The following PPFIBP1 variants were observed in gnomAD, a reference collection of about 807,000 sequenced individuals.
PPFIBP1 encodes PPFIB scaffold protein 1.
Under a neutral mutation model 137.8 loss-of-function variants are expected in PPFIBP1, and 112 were observed. The ratio of observed to expected loss-of-function variants is 0.81; its 90% CI spans 0.70 to 0.95. The LOEUF (loss-of-function observed/expected upper bound fraction) is 0.95. PPFIBP1 is among the 40% of genes least tolerant of loss of function. PPFIBP1 has a pLI of 0.00. For synonymous variants in PPFIBP1, 378 were observed against 417.3 expected (o/e 0.91, Z 1.15); for missense variants, 1,083 against 1,196.6 (o/e 0.91, Z 1.40).
chr12:27,617,518 G>C (rs2055890752), intron 2 of PPFIBP1, among the ~76,000 whole-genome samples: 1 of 152,150 alleles, frequency 6.6e-6, no homozygotes, highest in African/African-American at 2.4e-5. Flanking sequence ...ATGGAGGATT[G>C]GTTCTAGGAT....
At chr12:27,627,802 T>G (rs902920805) in intron 2 of PPFIBP1, among the ~76,000 whole-genome samples, 2 of 149,784 alleles carry the variant, frequency 1.3e-5, no homozygotes, top group African/African-American at 4.9e-5. Flanking sequence ...CTGAACATAT[T>G]TCTGTTGGTT....
At chr12:27,618,717 C>A (rs1415431626) in intron 2 of PPFIBP1, among the ~76,000 whole-genome samples, 3 of 152,204 alleles carry the variant, frequency 2.0e-5, no homozygotes, top group Non-Finnish European at 4.4e-5. Context: ...AGCCTGACCA[C>A]CTTGGGCACA....
intron 2 of PPFIBP1, among the ~76,000 whole-genome samples, chr12:27,595,888 T>C (rs1316900922): frequency 0.39 from 33,527 of 86,782 alleles, 4,800 homozygotes; most frequent in East Asian, 0.6. Context: ...AACAACAAAA[T>C]ATATATATAT....
At chr12:27,545,315 A>G (rs535788358) in intron 1 of PPFIBP1, among the ~76,000 whole-genome samples, 2 of 152,328 alleles carry the variant, frequency 1.3e-5, no homozygotes, top group East Asian at 1.9e-4. Context: ...GCAAATCACC[A>G]TGGCACATGT....
intron 4 of PPFIBP1, among the ~76,000 whole-genome samples, chr12:27,644,115 T>C (rs1325056622): frequency 1.3e-5 from 2 of 152,086 alleles, no homozygotes; most frequent in Non-Finnish European, 2.9e-5. Flanking sequence ...CTTGCTTTGT[T>C]GCCCAGCCTG....
intron 5 of PPFIBP1, 113 bp from the exon 6 acceptor site, chr12:27,647,616 A>G (rs1317822662): frequency 3.1e-6 from 2 of 642,254 alleles, no homozygotes; most frequent in Non-Finnish European, 5.2e-6. Flanking sequence ...TTTTTTCTTT[A>G]TAACCGTATG....
In PPFIBP1 at chr12:27,688,556, C is replaced by G. The variant is rs1024485559; in HGVS notation, c.2496+133C>G. 38 of 1,107,542 alleles carry G rather than the reference C, an allele frequency of 3.4e-5. 1 individual carries two copies. The highest frequency in any genetic ancestry group is 3.9e-5 in the Non-Finnish European group (30 of 777,482). The allele number at this position is 1,107,542 out of a possible 1,614,324, so 68.6% of individuals were successfully genotyped here. A position where few individuals can be genotyped will look rare whatever the true frequency, so the allele number is the denominator to read the frequency against. On this transcript the variant is annotated intron_variant, in intron 26 of 29. Coordinates refer to ENST00000228425, the MANE Select transcript of PPFIBP1 (RefSeq NM_003622.4). The stretch of plus-strand genomic sequence containing the variant: ...CCCTCCTGCCCTATTTCTAGTAAAC[C>G]TTTACTTTCAGAGTATTTGTATTGA...
At chr12:27,685,413 A>G (rs1363493526) in intron 24 of PPFIBP1, among the ~76,000 whole-genome samples, 1 of 152,116 alleles carries the variant, frequency 6.6e-6, no homozygotes, top group East Asian at 1.9e-4. Flanking sequence ...AGTTAGCAAT[A>G]GAAAGTCATA....
chr12:27,687,656 T>G lies in PPFIBP1; in HGVS notation c.2370+149T>G. On this transcript the variant is annotated intron_variant, in intron 25 of 29. Coordinates refer to ENST00000228425, the MANE Select transcript of PPFIBP1 (RefSeq NM_003622.4). ...ACTTCTTAGGCTTTTTCTGTATTCC[T>G]TCCTTTTCTCTCCATGACGGTTCCC... is the stretch of plus-strand genomic sequence containing the variant. 5.4e-6 allele frequency: 5 copies of G among 922,724 alleles called. No homozygotes were observed. In the South Asian group the frequency reaches 9.9e-5, roughly 18 times the overall value. The allele number at this position is 922,724 out of a possible 1,614,324, so 57.2% of individuals were successfully genotyped here.
intron 11 of PPFIBP1, among the ~76,000 whole-genome samples, chr12:27,661,829 C>A (rs1245019221): frequency 6.6e-6 from 1 of 152,152 alleles, no homozygotes; most frequent in Non-Finnish European, 1.5e-5. Flanking sequence ...GCCTCGCATT[C>A]TCTTTATTTG....
In PPFIBP1 at chr12:27,689,112, A is replaced by G. The variant is rs908331240; in HGVS notation, c.2594A>G (p.Asn865Ser). The G allele has an allele frequency of 6.2e-7, 1 of 1,610,398 alleles. No homozygotes were observed. The highest frequency in any genetic ancestry group is 8.5e-7 in the Non-Finnish European group (1 of 1,179,114). Residue 865 changes from asparagine to serine, a missense_variant, in exon 27 of 30, where the codon AAC becomes AGC. Coordinates refer to ENST00000228425, the MANE Select transcript of PPFIBP1 (RefSeq NM_003622.4). Reference sequence around the variant, plus strand: ...CGAAGACATTTGGCCACTCATTTCAACCTTCTGATTGGGGCTGAGGCACAG... The same window carrying G: ...CGAAGACATTTGGCCACTCATTTCAGCCTTCTGATTGGGGCTGAGGCACAG... ...LLRRHLATHFNLLIGAEAQHQ... is the reference protein window; with the variant it reads ...LLRRHLATHFSLLIGAEAQHQ...
At chr12:27,658,138 GAAAAA>G (rs56797899) in intron 9 of PPFIBP1, among the ~76,000 whole-genome samples, 3 of 123,008 alleles carry the variant, frequency 2.4e-5, no homozygotes, top group Non-Finnish European at 1.7e-5. Context: ...TCCTGTCTCT[GAAAAA>G]AAAAAAAAAA....
intron 1 of PPFIBP1, among the ~76,000 whole-genome samples, chr12:27,536,372 C>G (rs992876985): frequency 1.3e-5 from 2 of 152,160 alleles, no homozygotes; most frequent in South Asian, 4.1e-4. Context: ...GCAGGCTGTA[C>G]GTGAAGCATA....
chr12:27,526,002 C>T (rs1388778263), intron 1 of PPFIBP1, among the ~76,000 whole-genome samples: 1 of 152,206 alleles, frequency 6.6e-6, no homozygotes, highest in Non-Finnish European at 1.5e-5. Flanking sequence ...ACAGAAATTG[C>T]AAATGGCTCT....
intron 2 of PPFIBP1, among the ~76,000 whole-genome samples, chr12:27,615,770 A>T (rs958920578): frequency 2.6e-5 from 4 of 152,164 alleles, no homozygotes; most frequent in Admixed American, 1.3e-4. Context: ...GAGGGAAGAA[A>T]ATGGTGTCCA....
At chr12:27,683,644 C>A (rs1215216409) in intron 24 of PPFIBP1, among the ~76,000 whole-genome samples, 1 of 152,218 alleles carries the variant, frequency 6.6e-6, no homozygotes, top group Non-Finnish European at 1.5e-5. Flanking sequence ...CATTTCTAGC[C>A]CTCCAGCCAA....
chr12:27,687,000 C>T (rs2061244724), intron 24 of PPFIBP1, among the ~76,000 whole-genome samples: 1 of 152,154 alleles, frequency 6.6e-6, no homozygotes, highest in Non-Finnish European at 1.5e-5. Context: ...GTACTTTATC[C>T]ACCGATAAAG....
chr12:27,635,910 C>T (rs1023062526), intron 4 of PPFIBP1: 2 of 152,150 alleles, frequency 1.3e-5, no homozygotes, highest in Non-Finnish European at 2.9e-5. Context: ...AAAACAGATT[C>T]AGTGGAGGAC....
At chr12:27,641,684 A>G (rs2058112716) in intron 4 of PPFIBP1, among the ~76,000 whole-genome samples, 2 of 152,186 alleles carry the variant, frequency 1.3e-5, no homozygotes, top group Non-Finnish European at 2.9e-5. Flanking sequence ...GGGGAAGGTG[A>G]CCACACCCAC....
Sources: gnomAD v4.1 joint callset for allele counts (sites outside exome capture counted in the v4.1 genomes callset) on GRCh38, gnomAD v4.1.1 for gene constraint, MANE v1.5 for transcripts, NCBI Gene and HGNC (gene_info 2026-07-23, HGNC 2026-07-21) for gene names.